EVC2: variants seen among roughly 807,000 people sequenced by gnomAD.
The protein encoded by EVC2 is EvC ciliary complex subunit 2.
EVC2 carries 148 observed loss-of-function variants against 149.3 expected under a neutral mutation model. The observed-to-expected ratio is 0.99, with a 90% confidence interval of 0.87 to 1.14. The LOEUF (loss-of-function observed/expected upper bound fraction) is 1.14. EVC2 is among the 50% of genes most tolerant of loss of function. The pLI is 0.00. For missense variants in EVC2, 1,854 were observed against 1,627.3 expected, an observed-to-expected ratio of 1.14 and a Z score of -2.40; for synonymous variants, 776 against 649.9, an observed-to-expected ratio of 1.19 and a Z score of -2.95.
At chr4:5,561,639 G>T (rs191982909), downstream of EVC2, among the ~76,000 whole-genome samples, 1 of 152,128 alleles carries the variant, frequency 6.6e-6, no homozygotes, top group African/African-American at 2.4e-5. Context: ...GACATCCATG[G>T]CAGATAAGCA....
At chr4:5,564,703 G>A (rs6812680) in intron 21 of EVC2, among the ~76,000 whole-genome samples, 19,353 of 152,206 alleles carry the variant, frequency 0.13, 2,588 homozygotes, top group African/African-American at 0.34. Flanking sequence ...GCAGCAATTT[G>A]AGACCACTCT....
chr4:5,630,024 A>T (rs1484019741), intron 11 of EVC2, among the ~76,000 whole-genome samples: 1 of 152,240 alleles, frequency 6.6e-6, no homozygotes, highest in Non-Finnish European at 1.5e-5. Context: ...ACTGCTCATC[A>T]TGAGAGTAAA....
chr4:5,592,682 G>A (rs1176395782), intron 16 of EVC2, among the ~76,000 whole-genome samples: 1 of 152,196 alleles, frequency 6.6e-6, no homozygotes, highest in African/African-American at 2.4e-5. Context: ...GAGGCAAAAT[G>A]GCAGAGTATA....
chr4:5,682,471 CAA>C (rs1380564882), intron 6 of EVC2, among the ~76,000 whole-genome samples: 2 of 147,802 alleles, frequency 1.4e-5, no homozygotes, highest in Non-Finnish European at 3.0e-5. Context: ...GCCTGGGTGA[CAA>C]GAGTGAAATG....
upstream of EVC2, chr4:5,708,616 G>A (rs1357106113): frequency 1.7e-5 from 14 of 822,958 alleles, no homozygotes; most frequent in African/African-American, 1.8e-5. Flanking sequence ...AGTGCGAGCC[G>A]CCGCCGAAAG....
chr4:5,543,098 A>T lies in EVC2; in HGVS notation c.*33T>A, dbSNP rs114253635. The stretch of plus-strand genomic sequence containing the variant: ...TGCACTGCTCAGTCCGAGGTAACTC[A>T]TCTATGTTTGGGACAAACTTGCAGG... On this transcript the variant is annotated 3_prime_UTR_variant and NMD_transcript_variant, in exon 22 of 23. Transcript: ENST00000475313. 1,501 of 1,279,246 alleles carry T rather than the reference A, an allele frequency of 1.2e-3. 14 individuals carry two copies. In the African/African-American group the frequency reaches 0.02, roughly 17 times the overall value. 79.2% of individuals were successfully genotyped at this position (1,279,246 alleles called of 1,614,324 possible).
chr4:5,703,984 G>A (rs1721985561), intron 1 of EVC2, among the ~76,000 whole-genome samples: 1 of 152,166 alleles, frequency 6.6e-6, no homozygotes, highest in African/African-American at 2.4e-5. Context: ...GCCCTGAGGT[G>A]GGAACACACC....
chr4:5,558,790 A>T (rs1249428015), downstream of EVC2, among the ~76,000 whole-genome samples: 3 of 152,232 alleles, frequency 2.0e-5, no homozygotes, highest in Non-Finnish European at 4.4e-5. Flanking sequence ...TGTTTCCCAC[A>T]TGGGTCCAGG....
chr4:5,559,247 T>C (rs1721894890), downstream of EVC2, among the ~76,000 whole-genome samples: 1 of 152,194 alleles, frequency 6.6e-6, no homozygotes, highest in Non-Finnish European at 1.5e-5. The surrounding 1 kb of genome is among the most constrained non-coding windows in gnomAD (Gnocchi z 5.0). Flanking sequence ...AAAGCCAGAA[T>C]GATCCATGGG....
Position 5,618,956 on chromosome 4 carries a change from G to A in EVC2, c.2502-274C>T, listed in dbSNP as rs180850275. Among the ~76,000 whole-genome samples the A allele has an allele frequency of 1.1e-4, 16 of 152,286 alleles. No homozygotes were observed. Among genetic ancestry groups the A allele is most frequent in the East Asian group, 1.9e-4 (1 of 5,170 alleles). ...AGGCAACAGGCCTTCCAGTGCCCAC[G>A]ACCTTGCAATTAACCTGGTCTCACT... On this transcript the variant is annotated intron_variant, in intron 14 of 21. Coordinates refer to ENST00000344408, the MANE Select transcript of EVC2 (RefSeq NM_147127.5). This position sits in a 1 kb window ranked among gnomAD's most constrained non-coding sequence, Gnocchi z 4.4.
intron 21 of EVC2, among the ~76,000 whole-genome samples, chr4:5,552,559 C>G (rs1413374958): frequency 6.6e-6 from 1 of 152,160 alleles, no homozygotes; most frequent in East Asian, 1.9e-4. Context: ...TCTACACTCC[C>G]AACTTAAACA....
chr4:5,551,213 A>G (rs1721730983), intron 21 of EVC2, among the ~76,000 whole-genome samples: 1 of 152,166 alleles, frequency 6.6e-6, no homozygotes, highest in Admixed American at 6.5e-5. Context: ...AGCTTGCATC[A>G]TGCACCTGGA....
At chr4:5,612,920 TC>T (rs201493968) in intron 16 of EVC2, among the ~76,000 whole-genome samples, 5 of 57,060 alleles carry the variant, frequency 8.8e-5, no homozygotes, top group African/African-American at 4.4e-4. Context: ...AGACTCTGTC[TC>T]CAAAAAAAAA....
intron 7 of EVC2, among the ~76,000 whole-genome samples, chr4:5,668,471 A>G (rs1280047304): frequency 6.6e-6 from 1 of 152,190 alleles, no homozygotes; most frequent in Non-Finnish European, 1.5e-5. Context: ...TAACACTAAA[A>G]TGAAATCCAA....
rs970574631 is a variant in EVC2 at position 5,670,746 on chromosome 4, C to T, written c.871-5097G>A. On this transcript the variant is annotated intron_variant, in intron 7 of 21. Transcript: ENST00000344408. This position sits in a 1 kb window ranked among gnomAD's most constrained non-coding sequence, Gnocchi z 5.2. Reference sequence around the variant, plus strand: ...CCATCATCTTCACCATCACCATCAACGCCATCATCAGCAGCATCGCCATCA... The same window carrying T: ...CCATCATCTTCACCATCACCATCAATGCCATCATCAGCAGCATCGCCATCA... Among the ~76,000 whole-genome samples the T allele has an allele frequency of 6.6e-5, 10 of 151,632 alleles. No individual in the cohort carries two copies. The highest frequency in any genetic ancestry group is 1.9e-4 in the East Asian group (1 of 5,172).
chr4:5,678,696 T>C (rs1291129461), intron 7 of EVC2, among the ~76,000 whole-genome samples: 1 of 152,194 alleles, frequency 6.6e-6, no homozygotes, highest in African/African-American at 2.4e-5. Flanking sequence ...CTGTACTGAA[T>C]ACTGTAGGTA....
intron 7 of EVC2, among the ~76,000 whole-genome samples, chr4:5,676,411 G>A (rs1719997164): frequency 6.6e-6 from 1 of 152,140 alleles, no homozygotes; most frequent in Non-Finnish European, 1.5e-5. Flanking sequence ...TTTTTAAACT[G>A]CCTGATGCAA....
Position 5,615,642 on chromosome 4 carries a change from G to T in EVC2, c.2707-98C>A, listed in dbSNP as rs10032860. 465,803 of 1,555,192 alleles carry T rather than the reference G, an allele frequency of 0.3. 75,551 individuals carry two copies. The highest frequency in any genetic ancestry group is 0.6 in the East Asian group (26,437 of 44,256). On this transcript the variant is annotated intron_variant, in intron 15 of 21. Coordinates refer to ENST00000344408, the MANE Select transcript of EVC2 (RefSeq NM_147127.5). ...TTGCAGGTCAAGAGAAGTTTCTGCA[G>T]CTCCCAGAACTGCAAAACTCTGCCT...
intron 16 of EVC2, among the ~76,000 whole-genome samples, chr4:5,610,948 T>A (rs1432152501): frequency 2.0e-5 from 3 of 152,042 alleles, no homozygotes; most frequent in Non-Finnish European, 2.9e-5. Context: ...AACCCATTAG[T>A]TGGATGGTCC....
Sources: gnomAD v4.1 joint callset for allele counts (sites outside exome capture counted in the v4.1 genomes callset) on GRCh38, gnomAD v4.1.1 for gene constraint, Gnocchi (gnomAD v3.1) non-coding constraint, MANE v1.5 for transcripts, NCBI Gene and HGNC (gene_info 2026-07-23, HGNC 2026-07-21) for gene names.